The following STK32C variants were observed in gnomAD, a reference collection of about 807,000 sequenced individuals.
STK32C encodes serine/threonine kinase 32C, also known as serine/threonine-protein kinase 32C.
In STK32C, 31 loss-of-function variants were observed where a neutral mutation model predicts 56.5. The ratio of observed to expected loss-of-function variants is 0.55; its 90% CI spans 0.41 to 0.74. The LOEUF is 0.74. Among genes scored for constraint, STK32C ranks in the 30% least tolerant of loss-of-function variants. STK32C has a pLI of 0.00. For synonymous variants in STK32C, 309 were observed against 289.4 expected, an observed-to-expected ratio of 1.07 and a Z score of -0.69; for missense variants, 544 against 676.9, an observed-to-expected ratio of 0.80 and a Z score of 2.18.
intron 1 of STK32C, among the ~76,000 whole-genome samples, chr10:132,299,838 G>A (rs866825310): frequency 2.0e-5 from 3 of 152,240 alleles, no homozygotes; most frequent in Admixed American, 6.5e-5. Context: ...CCCTGTTATT[G>A]GGCACAAGAG....
chr10:132,208,928 G>T, intron 11 of STK32C, 106 bp downstream of exon 11: 1 of 1,045,440 alleles, frequency 9.6e-7, no homozygotes, highest in Non-Finnish European at 1.4e-6. Context: ...GCAGGGCCAC[G>T]CACCCCAGGC....
intron 1 of STK32C, among the ~76,000 whole-genome samples, chr10:132,303,703 CAAAG>C (rs1027044720): frequency 2.6e-5 from 4 of 152,194 alleles, no homozygotes; most frequent in Non-Finnish European, 5.9e-5. Flanking sequence ...CATTGATAAT[CAAAG>C]AAACTCAAAG....
intron 1 of STK32C, chr10:132,249,016 T>C (rs762854370): frequency 2.1e-6 from 1 of 466,942 alleles, no homozygotes; most frequent in Non-Finnish European, 4.3e-6. Context: ...TTGGGTCACC[T>C]GCGCCCTGCA....
intron 2 of STK32C, 161 bp from the exon 3 acceptor site, chr10:132,228,289 A>G (rs1590187400): frequency 5.1e-6 from 4 of 791,538 alleles, no homozygotes; most frequent in Admixed American, 4.0e-5. Flanking sequence ...CGGCAGGTGC[A>G]TTCCTCTCTG....
chr10:132,331,870 T>G (rs1056995470), upstream of STK32C: 5 of 1,299,336 alleles, frequency 3.8e-6, no homozygotes, highest in African/African-American at 1.5e-5. Flanking sequence ...GCCGCGTGCG[T>G]GCGCAGGCGC....
chr10:132,224,383 G>C (rs1181323876), intron 8 of STK32C, 24 bp downstream of exon 8: 1 of 1,523,054 alleles, frequency 6.6e-7, no homozygotes, highest in East Asian at 2.5e-5. Context: ...CGGAGGGTGA[G>C]GAGGCTCAGG....
downstream of STK32C, among the ~76,000 whole-genome samples, chr10:132,321,947 A>T (rs1011933454): frequency 1.3e-5 from 2 of 151,872 alleles, no homozygotes; most frequent in African/African-American, 4.8e-5. Flanking sequence ...CCAAAGGGGG[A>T]ATTGTGGGGC....
At chr10:132,269,136 C>T (rs1169665516) in intron 1 of STK32C, among the ~76,000 whole-genome samples, 10 of 150,882 alleles carry the variant, frequency 6.6e-5, no homozygotes, top group South Asian at 4.2e-4. Flanking sequence ...TGTACATGCA[C>T]GTGTCTGTTG....
chr10:132,331,386 GTCATT>G (rs2066727366), intron 1 of STK32C: 1 of 1,550,904 alleles, frequency 6.4e-7, no homozygotes, highest in Admixed American at 1.8e-5. Context: ...CCCGCCCGGT[GTCATT>G]TCATCTTCTT....
At chr10:132,273,182 C>T (rs2064883356) in intron 1 of STK32C, among the ~76,000 whole-genome samples, 1 of 152,178 alleles carries the variant, frequency 6.6e-6, no homozygotes, top group Non-Finnish European at 1.5e-5. Context: ...CTCAGCCTTT[C>T]CACTGCTTTG....
Position 132,225,161 on chromosome 10 carries a change from C to T in STK32C, c.876+72G>A, listed in dbSNP as rs1013546795. On this transcript the variant is annotated intron_variant, in intron 7 of 11. Transcript: ENST00000298630. The stretch of plus-strand genomic sequence containing the variant: ...CACCTGGACACTGGGGCAGCCACCC[C>T]CTCCCCAGCACTGGTGGGGGCAGAG... 40 of 1,297,744 alleles carry T rather than the reference C, an allele frequency of 3.1e-5. 1 individual carries two copies. In the South Asian group the frequency reaches 4.8e-4, roughly 16 times the overall value. The allele number at this position is 1,297,744 out of a possible 1,614,324, so 80.4% of individuals were successfully genotyped here.
rs780409855 is a variant in STK32C, at chr10:132,228,094, ATCT to A, written c.350_352del (p.Lys117del). On this transcript the variant is annotated inframe_deletion, in exon 3 of 12. Coordinates refer to ENST00000298630, the MANE Select transcript of STK32C (RefSeq NM_173575.4). ...CTTGTTCATGTACTTCATGGCGTACATCTTCTCCGTGTCCCGCTTCTGCACAAT... is the reference window on the plus strand; with the variant it reads ...CTTGTTCATGTACTTCATGGCGTACATCTCCGTGTCCCGCTTCTGCACAAT... 2 of 1,613,864 alleles carry A rather than the reference ATCT, an allele frequency of 1.2e-6. No individual in the cohort carries two copies. Among genetic ancestry groups the A allele is most frequent in the Admixed American group, 1.7e-5 (1 of 60,002 alleles).
chr10:132,281,040 G>A (rs1482759535), intron 1 of STK32C, among the ~76,000 whole-genome samples: 7 of 148,386 alleles, frequency 4.7e-5, no homozygotes, highest in Admixed American at 3.3e-4. Flanking sequence ...CCTGCACTCC[G>A]TGATCACACC....
rs2062955319 is a variant in STK32C at position 132,227,990 on chromosome 10, G to C, written c.457C>G (p.Leu153Val). 3 of 1,613,416 alleles carry C rather than the reference G, an allele frequency of 1.9e-6. No homozygotes were observed. Among genetic ancestry groups the C allele is most frequent in the African/African-American group, 2.7e-5 (2 of 75,074 alleles). The change falls in exon 3 of 12, where the codon CTG becomes GTG. Residue 153 changes from leucine (L) to valine (V), a missense_variant. By Grantham distance (32) the Leu-to-Val change is conservative. This residue lies in a region of STK32C where 182 missense variants were observed against 217.7 expected (regional missense o/e 0.84). Transcript: ENST00000298630. The stretch of plus-strand genomic sequence containing the variant: ...TGGCAGGCTCACCAGAGGTTCACCA[G>C]GAAGACGTGCTCGATCTCCTGCAGG... ...EILQEIEHVF[L>V]VNLWYSFQDE... is the part of the protein sequence containing the mutation.
chr10:132,239,654 G>A (rs560634404), intron 2 of STK32C, among the ~76,000 whole-genome samples: 48 of 152,336 alleles, frequency 3.2e-4, no homozygotes, highest in African/African-American at 1.1e-3. Flanking sequence ...CCAGCCGCCC[G>A]CAGTGACTGC....
intron 2 of STK32C, among the ~76,000 whole-genome samples, chr10:132,230,432 A>G (rs1198757649): frequency 6.6e-6 from 1 of 152,238 alleles, no homozygotes. Context: ...CAGGCGCAGA[A>G]GCAACGGTGC....
rs1370778046 is a variant in STK32C at position 132,224,402 on chromosome 10, C to T, written c.993+5G>A. 9 of 1,548,466 alleles carry T rather than the reference C, an allele frequency of 5.8e-6. No homozygotes were observed. The highest frequency in any genetic ancestry group is 1.7e-4 in the Middle Eastern group (1 of 5,902). ...GGGTGAGGAGGCTCAGGGATGGGGG[C>T]TCACCTTCCGCAGCAAGGCCACCAT... On this transcript the variant is annotated splice_donor_5th_base_variant and intron_variant, in intron 8 of 11. Coordinates refer to ENST00000298630, the MANE Select transcript of STK32C (RefSeq NM_173575.4).
At chr10:132,208,595 A>G (rs941775070) in intron 11 of STK32C, among the ~76,000 whole-genome samples, 3 of 152,046 alleles carry the variant, frequency 2.0e-5, no homozygotes, top group Non-Finnish European at 4.4e-5. Context: ...GGGAGCATCC[A>G]TCCTCCCTTG....
chr10:132,318,267 C>CA (rs200913300), intron 1 of STK32C, among the ~76,000 whole-genome samples: 2,230 of 144,596 alleles, frequency 0.015, 41 homozygotes, highest in South Asian at 0.048. Context: ...GACTATGTCT[C>CA]AAAAAAAAAG....
Sources: allele counts gnomAD v4.1 joint callset (sites outside exome capture counted in the v4.1 genomes callset), GRCh38; gene constraint gnomAD v4.1.1; regional missense constraint gnomAD v4.1.1; transcripts MANE v1.5; gene names NCBI Gene and HGNC (gene_info 2026-07-23, HGNC 2026-07-21).